Variants in CELF4 observed in about 807,000 individuals in gnomAD.
CELF4 encodes CUGBP Elav-like family member 4, also known as CUG-BP- and ETR-3-like factor 4.
In CELF4, 18 loss-of-function variants were observed where a neutral mutation model predicts 59.9. The observed-to-expected ratio is 0.30, with a 90% CI of 0.21 to 0.45. The LOEUF (loss-of-function observed/expected upper bound fraction) is 0.45. Among genes scored for constraint, CELF4 ranks in the 20% least tolerant of loss-of-function variants. CELF4 has a pLI of 1.00. For missense variants in CELF4, 456 were observed against 689.0 expected (o/e 0.66, Z 3.79); for synonymous variants, 261 against 267.1 (o/e 0.98, Z 0.22).
At chr18:37,502,397 G>C (rs981160905) in intron 1 of CELF4, among the ~76,000 whole-genome samples, 1 of 152,138 alleles carries the variant, frequency 6.6e-6, no homozygotes, top group Non-Finnish European at 1.5e-5. Flanking sequence ...AGGAAGGGGG[G>C]GCAGGGAGAG....
At chr18:37,422,392 C>T (rs1425820807) in intron 2 of CELF4, among the ~76,000 whole-genome samples, 1 of 152,180 alleles carries the variant, frequency 6.6e-6, no homozygotes, top group Non-Finnish European at 1.5e-5. Context: ...GAAGGAGGAG[C>T]TGATTGGCTC....
chr18:37,431,362 C>CTTTTTTTTTTTTTTTT, intron 2 of CELF4, among the ~76,000 whole-genome samples: 1 of 81,566 alleles, frequency 1.2e-5, no homozygotes, highest in Non-Finnish European at 2.3e-5. Flanking sequence ...CCTTTCTTTC[C>CTTTTTTTTTTTTTTTT]TTTTTTTTTT....
intron 3 of CELF4, among the ~76,000 whole-genome samples, chr18:37,289,405 G>T (rs575592453): frequency 2.3e-4 from 35 of 152,262 alleles, no homozygotes; most frequent in African/African-American, 8.4e-4. Flanking sequence ...TGAAAATCAA[G>T]ACATAGTCCT....
chr18:37,469,486 G>A (rs573158312), intron 2 of CELF4, among the ~76,000 whole-genome samples: 578 of 152,248 alleles, frequency 3.8e-3, no homozygotes, highest in Non-Finnish European at 5.9e-3. Context: ...AGATCAGTTC[G>A]TTTTAAGAGA....
At chr18:37,549,427 C>T (rs1002582689) in intron 1 of CELF4, among the ~76,000 whole-genome samples, 9 of 152,282 alleles carry the variant, frequency 5.9e-5, no homozygotes, top group African/African-American at 9.6e-5. Context: ...GGGGCTGCCC[C>T]GCAGGCCAGG....
rs1227534145 is a variant in CELF4 at position 37,252,517 on chromosome 18, A to G, written c.*44+1250T>C. On this transcript the variant is annotated intron_variant, in intron 12 of 12. Transcript: ENST00000420428. The stretch of plus-strand genomic sequence containing the variant: ...TCCACGCAGTGGCCTTCAAGGCCCC[A>G]CACCAGGTGGCCCTCCTCACTCTCC... Among the ~76,000 whole-genome samples, 4 of 151,672 alleles carry G rather than the reference A, an allele frequency of 2.6e-5. No individual in the cohort carries two copies. In the East Asian group the frequency reaches 7.8e-4, roughly 30 times the overall value.
At chr18:37,391,575 G>A (rs1282332621) in intron 2 of CELF4, among the ~76,000 whole-genome samples, 1 of 152,192 alleles carries the variant, frequency 6.6e-6, no homozygotes, top group Non-Finnish European at 1.5e-5. Context: ...CTGTTCATGT[G>A]TCTATCTCCC....
At chr18:37,251,360 G>C (rs2065362493) in intron 12 of CELF4, among the ~76,000 whole-genome samples, 1 of 152,086 alleles carries the variant, frequency 6.6e-6, no homozygotes. Flanking sequence ...AATGCCAGCT[G>C]GTTCAACCCT....
rs555945299 is a variant in CELF4, at chr18:37,263,336, T to C, written c.1249+1338A>G. On this transcript the variant is annotated intron_variant, in intron 10 of 12. Coordinates refer to ENST00000420428, the MANE Select transcript of CELF4 (RefSeq NM_020180.4). ...TTGTCTGGCACTGGGGCCTGTCAAA[T>C]GATGTTGGACCAGCAGACTCTTGAG... Among the ~76,000 whole-genome samples the C allele has an allele frequency of 2.0e-5, 3 of 152,226 alleles. No individual in the cohort carries two copies. The East Asian group carries it at 5.8e-4, about 29-fold the overall frequency.
intron 3 of CELF4, among the ~76,000 whole-genome samples, chr18:37,291,409 T>C (rs1034481202): frequency 6.6e-6 from 1 of 152,234 alleles, no homozygotes; most frequent in African/African-American, 2.4e-5. Context: ...GCAGGAAGCC[T>C]GGACCTGCAT....
At chr18:37,403,754 G>T (rs2099355198) in intron 2 of CELF4, among the ~76,000 whole-genome samples, 1 of 152,216 alleles carries the variant, frequency 6.6e-6, no homozygotes, top group African/African-American at 2.4e-5. Flanking sequence ...AGTTTACATA[G>T]CGCACATGAA....
intron 1 of CELF4, among the ~76,000 whole-genome samples, chr18:37,509,316 G>A (rs1215900699): frequency 6.6e-6 from 1 of 152,230 alleles, no homozygotes; most frequent in Non-Finnish European, 1.5e-5. Flanking sequence ...GCACCACGAA[G>A]CTAGGACATC....
At chr18:37,333,894 G>C (rs1449208241) in intron 2 of CELF4, among the ~76,000 whole-genome samples, 1 of 152,086 alleles carries the variant, frequency 6.6e-6, no homozygotes, top group Non-Finnish European at 1.5e-5. Context: ...ACAGCAACAT[G>C]AGTGTCTCTT....
chr18:37,484,323 G>T (rs544373112), intron 2 of CELF4, among the ~76,000 whole-genome samples: 1 of 152,288 alleles, frequency 6.6e-6, no homozygotes, highest in Admixed American at 6.5e-5. Flanking sequence ...CCGTCTTACA[G>T]AGGGCACCCA....
At chr18:37,266,238 C>T (rs1232994500) in intron 9 of CELF4, 3 of 534,408 alleles carry the variant, frequency 5.6e-6, no homozygotes, top group Admixed American at 3.3e-5. Context: ...CTGGAAGCTC[C>T]ATGGGGAAGG....
At chr18:37,290,793 G>A (rs1343313026) in intron 3 of CELF4, among the ~76,000 whole-genome samples, 9 of 152,164 alleles carry the variant, frequency 5.9e-5, no homozygotes, top group Admixed American at 5.2e-4. Flanking sequence ...ATGATTGCCT[G>A]GAGGCCTAGA....
intron 2 of CELF4, among the ~76,000 whole-genome samples, chr18:37,401,474 G>A (rs986934481): frequency 1.3e-5 from 2 of 152,182 alleles, no homozygotes; most frequent in Non-Finnish European, 2.9e-5. Context: ...CCATCTTACA[G>A]ACCAATACTA....
In CELF4 at chr18:37,254,793, A is replaced by G. The variant is rs896686879; in HGVS notation, c.1334-855T>C. The stretch of plus-strand genomic sequence containing the variant: ...TCCCAGGCCCAACCGCGCAGGTCCC[A>G]GATGGGCACAGGTCATGTTCCCAAA... On this transcript the variant is annotated intron_variant, in intron 11 of 12. Transcript: ENST00000420428. The surrounding 1 kb of genome is among the most constrained non-coding windows in gnomAD (Gnocchi z 5.1). Among the ~76,000 whole-genome samples the G allele has an allele frequency of 6.6e-6, 1 of 152,268 alleles. No individual in the cohort carries two copies. The highest frequency in any genetic ancestry group is 1.5e-5 in the Non-Finnish European group (1 of 68,042).
intron 2 of CELF4, among the ~76,000 whole-genome samples, chr18:37,413,675 C>T (rs995212402): frequency 2.0e-5 from 3 of 152,208 alleles, no homozygotes; most frequent in African/African-American, 7.2e-5. Context: ...GCACCTCATC[C>T]TCTTTCATTT....
Sources: gnomAD v4.1 joint callset for allele counts (sites outside exome capture counted in the v4.1 genomes callset) on GRCh38, gnomAD v4.1.1 for gene constraint, Gnocchi (gnomAD v3.1) non-coding constraint, MANE v1.5 for transcripts, NCBI Gene and HGNC (gene_info 2026-07-23, HGNC 2026-07-21) for gene names.